MYOM2: variants seen among roughly 807,000 people sequenced by gnomAD.
The protein encoded by MYOM2 is myomesin-2.
MYOM2 carries 254 observed loss-of-function variants against 187.6 expected under a neutral mutation model. The ratio of observed to expected loss-of-function variants is 1.35; its 90% CI spans 1.22 to 1.50. The LOEUF (loss-of-function observed/expected upper bound fraction) is 1.50. Among genes scored for constraint, MYOM2 ranks in the 40% most tolerant of loss-of-function variants. MYOM2 has a pLI of 0.00. For synonymous variants in MYOM2, 981 were observed against 753.8 expected (o/e 1.30, Z -4.94); for missense variants, 2,796 against 1,924.0 (o/e 1.45, Z -8.48).
chr8:2,136,595 G>C (rs1798079567), intron 32 of MYOM2, among the ~76,000 whole-genome samples: 1 of 152,120 alleles, frequency 6.6e-6, no homozygotes, highest in Admixed American at 6.5e-5. Context: ...AAAGGCCTAG[G>C]GCCGTCAGCA....
chr8:2,144,557 G>C lies in MYOM2; in HGVS notation c.4081-107G>C, dbSNP rs539879929. On this transcript the variant is annotated intron_variant, in intron 36 of 36. Coordinates refer to ENST00000262113, the MANE Select transcript of MYOM2 (RefSeq NM_003970.4). ...GCTTGTTTCTAAACAAACGATTGAA[G>C]GACCAATAAATGTAACTGAGTGTGA... 10 of 1,134,026 alleles carry C rather than the reference G, an allele frequency of 8.8e-6. No individual in the cohort carries two copies. The East Asian group carries it at 9.4e-5, about 11-fold the overall frequency. 70.2% of individuals were successfully genotyped at this position (1,134,026 alleles called of 1,614,324 possible). A position where few individuals can be genotyped will look rare whatever the true frequency, so the allele number is the denominator to read the frequency against.
Position 2,085,406 on chromosome 8 carries a change from G to T in MYOM2, c.1644+16G>T, listed in dbSNP as rs200783840. 1.9e-6 allele frequency: 3 copies of T among 1,612,532 alleles called. No homozygotes were observed. The highest frequency in any genetic ancestry group is 4.5e-5 in the East Asian group (2 of 44,830). Reference sequence around the variant, plus strand: ...CATTGAGAAGGTAAACTCCGGGCCCGTGTCCTGGAAAAGTAGATCTCTGCA... The same window carrying T: ...CATTGAGAAGGTAAACTCCGGGCCCTTGTCCTGGAAAAGTAGATCTCTGCA... On this transcript the variant is annotated intron_variant, in intron 14 of 36. Coordinates refer to ENST00000262113, the MANE Select transcript of MYOM2 (RefSeq NM_003970.4).
intron 31 of MYOM2, chr8:2,128,017 TC>T (rs1253039550): frequency 1.3e-5 from 2 of 152,206 alleles, no homozygotes; most frequent in African/African-American, 4.8e-5. Flanking sequence ...GTTGTTTTTT[TC>T]CCCCACATAT....
At chr8:2,103,210 A>T (rs1563057529) in intron 21 of MYOM2, among the ~76,000 whole-genome samples, 1 of 151,108 alleles carries the variant, frequency 6.6e-6, no homozygotes, top group Non-Finnish European at 1.5e-5. Flanking sequence ...TGAGTGGGAG[A>T]GTGTGCATGT....
intron 6 of MYOM2, among the ~76,000 whole-genome samples, chr8:2,064,366 G>A (rs552755834): frequency 2.6e-5 from 4 of 152,316 alleles, no homozygotes; most frequent in South Asian, 2.1e-4. Context: ...ATAAACAGAA[G>A]GCCTAACTTA....
rs539214068 is a variant in MYOM2 at position 2,101,502 on chromosome 8, G to A, written c.2619+448G>A. Among the ~76,000 whole-genome samples the A allele has an allele frequency of 3.9e-5, 6 of 152,328 alleles. No homozygotes were observed. The East Asian group carries it at 7.7e-4, about 20-fold the overall frequency. On this transcript the variant is annotated intron_variant, in intron 20 of 36. Coordinates refer to ENST00000262113, the MANE Select transcript of MYOM2 (RefSeq NM_003970.4). ...CCGAGGTGAACCTGTTCAGATGACC[G>A]GGGCGTGGCTGCTGAGGATGCAGCC...
chr8:2,076,359 T>A, intron 11 of MYOM2, 77 bp downstream of exon 11: 1 of 1,526,196 alleles, frequency 6.6e-7, no homozygotes, highest in South Asian at 1.3e-5. Context: ...TGAGAAATTT[T>A]TCTCAATGCA....
chr8:2,085,293 G>A lies in MYOM2; in HGVS notation c.1547G>A (p.Gly516Asp), dbSNP rs200668783. ...GCCCAGGTTCCAGGGCCTCCCACCG[G>A]TGTGCACGCTTCCGAGATCAGCAGA... ...GDAQVPGPPT[G>D]VHASEISRNY... is the part of the protein sequence containing the mutation. The change falls in exon 14 of 37, where the codon GGT (glycine) becomes GAT (aspartate). Residue 516 changes from glycine (G) to aspartate (D), a missense_variant. Coordinates refer to ENST00000262113, the MANE Select transcript of MYOM2 (RefSeq NM_003970.4). 6 of 1,614,090 alleles carry A rather than the reference G, an allele frequency of 3.7e-6. No homozygotes were observed. In the South Asian group the frequency reaches 5.5e-5, roughly 15 times the overall value.
intron 31 of MYOM2, among the ~76,000 whole-genome samples, chr8:2,125,584 G>A (rs908280713): frequency 2.1e-5 from 3 of 145,282 alleles, no homozygotes; most frequent in South Asian, 4.4e-4. Flanking sequence ...AGTTGCATAC[G>A]ACTTTTAGGA....
At chr8:2,070,622 TCCTA>T (rs1819182082) in intron 8 of MYOM2, among the ~76,000 whole-genome samples, 2 of 129,994 alleles carry the variant, frequency 1.5e-5, no homozygotes, top group Admixed American at 8.4e-5. Context: ...CCGGGGTTTC[TCCTA>T]TCTATTAACA....
chr8:2,086,381 G>T (rs1279136946), intron 14 of MYOM2, among the ~76,000 whole-genome samples: 1 of 112,958 alleles, frequency 8.9e-6, no homozygotes, highest in Non-Finnish European at 1.7e-5. Context: ...TGATCTCTGC[G>T]TGGCCTCCCA....
intron 17 of MYOM2, among the ~76,000 whole-genome samples, chr8:2,096,024 C>T (rs1306599026): frequency 6.6e-6 from 1 of 152,164 alleles, no homozygotes; most frequent in African/African-American, 2.4e-5. Flanking sequence ...AATAGCAATA[C>T]ATATATATGA....
chr8:2,098,618 G>A lies in MYOM2; in HGVS notation c.2314-239G>A, dbSNP rs550280455. Reference sequence around the variant, plus strand: ...TACCCCCGCAGGAGTGGGATTGAGTGAAGGACTCAATCACTTTGGGAAATC... The same window carrying A: ...TACCCCCGCAGGAGTGGGATTGAGTAAAGGACTCAATCACTTTGGGAAATC... On this transcript the variant is annotated intron_variant, in intron 18 of 36. Coordinates refer to ENST00000262113, the MANE Select transcript of MYOM2 (RefSeq NM_003970.4). Among the ~76,000 whole-genome samples the A allele has an allele frequency of 1.5e-4, 23 of 152,300 alleles. No homozygotes were observed. The East Asian group carries it at 2.5e-3, about 17-fold the overall frequency.
In MYOM2 at chr8:2,073,428, G is replaced by A. The variant is rs759387487; in HGVS notation, c.1048G>A (p.Glu350Lys). 20 of 1,613,008 alleles carry A rather than the reference G, an allele frequency of 1.2e-5. No individual in the cohort carries two copies. In the South Asian group the frequency reaches 1.3e-4, roughly 11 times the overall value. ...LSFSHLHKDD[E>K]GLYTLRIVSR... Reference sequence around the variant, plus strand: ...CTTCAGCCACCTGCACAAGGACGACGAGGGCCTGTACACCCTGCGCATCGT... The same window carrying A: ...CTTCAGCCACCTGCACAAGGACGACAAGGGCCTGTACACCCTGCGCATCGT... The change falls in exon 10 of 37, where the codon GAG becomes AAG. Residue 350 changes from glutamate (E) to lysine (K), a missense_variant. By Grantham distance (56) the Glu-to-Lys change is moderately conservative. Coordinates refer to ENST00000262113, the MANE Select transcript of MYOM2 (RefSeq NM_003970.4).
At chr8:2,095,159 A>G (rs1465500954) in intron 17 of MYOM2, among the ~76,000 whole-genome samples, 7 of 152,336 alleles carry the variant, frequency 4.6e-5, no homozygotes, top group South Asian at 2.1e-4. Context: ...GTCAAATCTG[A>G]TAACATCTAG....
chr8:2,072,520 C>T lies in MYOM2; in HGVS notation c.958+11C>T. On this transcript the variant is annotated intron_variant, in intron 9 of 36. Coordinates refer to ENST00000262113, the MANE Select transcript of MYOM2 (RefSeq NM_003970.4). Reference sequence around the variant, plus strand: ...AGTGGTACCGCGATGGTGAGTAGGACACGGCCCAGACCCGGGCACACACCA... The same window carrying T: ...AGTGGTACCGCGATGGTGAGTAGGATACGGCCCAGACCCGGGCACACACCA... 6.2e-7 allele frequency: 1 copy of T among 1,610,576 alleles called. No homozygotes were observed. Among genetic ancestry groups the T allele is most frequent in the East Asian group, 2.2e-5 (1 of 44,846 alleles).
chr8:2,077,697 C>T (rs550255042), intron 11 of MYOM2, among the ~76,000 whole-genome samples: 11 of 152,134 alleles, frequency 7.2e-5, no homozygotes, highest in Admixed American at 4.6e-4. Flanking sequence ...AAAACCATTT[C>T]CTGCACTGTC....
chr8:2,059,334 C>G, intron 6 of MYOM2, 89 bp downstream of exon 6: 1 of 1,099,224 alleles, frequency 9.1e-7, no homozygotes, highest in South Asian at 1.4e-5. Flanking sequence ...AACTGGAGGC[C>G]AAATCACACC....
At chr8:2,111,631 C>T (rs189932248) in intron 25 of MYOM2, among the ~76,000 whole-genome samples, 9 of 152,176 alleles carry the variant, frequency 5.9e-5, no homozygotes, top group Non-Finnish European at 1.3e-4. Flanking sequence ...CCAAGGTCCA[C>T]GGGACGGTGT....
Sources: allele counts gnomAD v4.1 joint callset (sites outside exome capture counted in the v4.1 genomes callset), GRCh38; gene constraint gnomAD v4.1.1; transcripts MANE v1.5; gene names NCBI Gene and HGNC (gene_info 2026-07-23, HGNC 2026-07-21).